GPR158: variants seen among roughly 807,000 people sequenced by gnomAD.
GPR158 encodes the protein G protein-coupled receptor 158.
In GPR158, 30 loss-of-function variants were observed where a neutral mutation model predicts 78.2. The ratio of observed to expected loss-of-function variants is 0.38; its 90% CI spans 0.29 to 0.52. The LOEUF is 0.52. Among genes scored for constraint, GPR158 ranks in the 20% least tolerant of loss-of-function variants. GPR158 has a pLI of 0.83. For missense variants in GPR158, 1,463 were observed against 1,523.5 expected (o/e 0.96, Z 0.66); for synonymous variants, 581 against 591.1 (o/e 0.98, Z 0.25).
At chr10:25,579,739 C>G in intron 7 of GPR158, among the ~76,000 whole-genome samples, 1 of 152,196 alleles carries the variant, frequency 6.6e-6, no homozygotes, top group East Asian at 1.9e-4. Context: ...AAGCGCTGAG[C>G]TGTTTCCACA....
intron 2 of GPR158, among the ~76,000 whole-genome samples, chr10:25,371,694 C>T (rs1410208968): frequency 7.5e-6 from 1 of 133,670 alleles, no homozygotes; most frequent in Non-Finnish European, 1.6e-5. Context: ...ACACCTTATA[C>T]AAAAATCAAT....
chr10:25,476,517 T>C (rs1048975877), intron 5 of GPR158, among the ~76,000 whole-genome samples: 1 of 78,618 alleles, frequency 1.3e-5, no homozygotes, highest in Non-Finnish European at 2.4e-5. Flanking sequence ...CCCGGTCTTA[T>C]AAGAAGAATT....
chr10:25,395,893 G>C lies in GPR158; in HGVS notation c.1009-18G>C. ...ATAAGCCATGATCAACTATGTTGCT[G>C]TCTTTTCTTCTTCATAGTGTATGCC... On this transcript the variant is annotated intron_variant, in intron 2 of 10. Transcript: ENST00000376351. 3 of 1,280,786 alleles carry C rather than the reference G, an allele frequency of 2.3e-6. No individual in the cohort carries two copies. Among genetic ancestry groups the C allele is most frequent in the Non-Finnish European group, 3.4e-6 (3 of 878,036 alleles). 79.3% of individuals were successfully genotyped at this position (1,280,786 alleles called of 1,614,324 possible).
At chr10:25,483,723 TTTC>T (rs1383528795) in intron 5 of GPR158, among the ~76,000 whole-genome samples, 4 of 152,178 alleles carry the variant, frequency 2.6e-5, no homozygotes, top group African/African-American at 7.2e-5. Context: ...TTTTCAGAAA[TTTC>T]TTCATAGATT....
chr10:25,189,166 A>T (rs1852733375), intron 1 of GPR158, among the ~76,000 whole-genome samples: 1 of 152,198 alleles, frequency 6.6e-6, no homozygotes, highest in African/African-American at 2.4e-5. Context: ...AGAAATAGGA[A>T]CACTTTTACA....
intron 1 of GPR158, among the ~76,000 whole-genome samples, chr10:25,179,221 G>A (rs982254719): frequency 6.6e-6 from 1 of 152,152 alleles, no homozygotes. Flanking sequence ...GTATTTGACA[G>A]GTATGGTAAC....
At position 25,176,373 on chromosome 10, in the gene GPR158, C is replaced by G; in HGVS notation, c.902+51C>G. On this transcript the variant is annotated intron_variant, in intron 1 of 10. Transcript: ENST00000376351. This position sits in a 1 kb window ranked among gnomAD's most constrained non-coding sequence, Gnocchi z 6.3. ...GAAGGCAAAAGCGAAGCTTTCCTTC[C>G]GGTCTTGTGGGTGGGTGCACGTGTG... is the stretch of plus-strand genomic sequence containing the variant. The G allele has an allele frequency of 7.1e-7, 1 of 1,399,198 alleles. No homozygotes were observed. Among genetic ancestry groups the G allele is most frequent in the Non-Finnish European group, 9.7e-7 (1 of 1,034,220 alleles). 86.7% of individuals were successfully genotyped at this position (1,399,198 alleles called of 1,614,324 possible). A position where few individuals can be genotyped will look rare whatever the true frequency, so the allele number is the denominator to read the frequency against.
chr10:25,356,727 A>C (rs1158908877), intron 2 of GPR158, among the ~76,000 whole-genome samples: 1 of 152,056 alleles, frequency 6.6e-6, no homozygotes, highest in African/African-American at 2.4e-5. Context: ...AGTCCAATAA[A>C]CCTCTTTCTT....
intron 6 of GPR158, among the ~76,000 whole-genome samples, chr10:25,555,132 G>GTATA (rs1406735619): frequency 2.6e-5 from 4 of 152,166 alleles, no homozygotes; most frequent in Non-Finnish European, 5.9e-5. Flanking sequence ...TAGCCTTGTA[G>GTATA]TATAGTTTGA....
intron 2 of GPR158, among the ~76,000 whole-genome samples, chr10:25,238,578 C>T (rs1853560931): frequency 6.6e-6 from 1 of 152,198 alleles, no homozygotes; most frequent in Non-Finnish European, 1.5e-5. Flanking sequence ...AACTCTGTGA[C>T]TCCACAGAGA....
intron 2 of GPR158, among the ~76,000 whole-genome samples, chr10:25,360,600 AT>A (rs1268981331): frequency 6.6e-6 from 1 of 152,028 alleles, no homozygotes; most frequent in Non-Finnish European, 1.5e-5. Context: ...GTTCTGTTCC[AT>A]TGGTCTATAT....
chr10:25,483,435 G>A (rs1164833198), intron 5 of GPR158, among the ~76,000 whole-genome samples: 5 of 151,948 alleles, frequency 3.3e-5, no homozygotes, highest in South Asian at 4.2e-4. Flanking sequence ...CCGACTACCC[G>A]ACTTTAAATT....
At chr10:25,210,802 T>A (rs902547127) in intron 1 of GPR158, among the ~76,000 whole-genome samples, 1 of 152,202 alleles carries the variant, frequency 6.6e-6, no homozygotes, top group Non-Finnish European at 1.5e-5. Flanking sequence ...CAATATGTCA[T>A]CTTTCAGTTA....
chr10:25,599,425 A>C lies in GPR158; in HGVS notation c.*151A>C, dbSNP rs999392697. The C allele has an allele frequency of 1.6e-6, 1 of 631,168 alleles. No homozygotes were observed. Among genetic ancestry groups the C allele is most frequent in the Non-Finnish European group, 2.7e-6 (1 of 368,164 alleles). 39.1% of individuals were successfully genotyped at this position (631,168 alleles called of 1,614,324 possible). A position where few individuals can be genotyped will look rare whatever the true frequency, so the allele number is the denominator to read the frequency against. On this transcript the variant is annotated 3_prime_UTR_variant, in exon 11 of 11. Transcript: ENST00000376351. ...TCAAAGGCATGGGTAGAAGAGGACCAGGGGGGCAAGAGCAACAACGTCATA... is the reference window on the plus strand; with the variant it reads ...TCAAAGGCATGGGTAGAAGAGGACCCGGGGGGCAAGAGCAACAACGTCATA...
At chr10:25,394,195 A>T (rs1388661985) in intron 2 of GPR158, among the ~76,000 whole-genome samples, 1 of 152,162 alleles carries the variant, frequency 6.6e-6, no homozygotes, top group East Asian at 1.9e-4. Flanking sequence ...TATTTAACCC[A>T]TTAGGCCATC....
intron 5 of GPR158, among the ~76,000 whole-genome samples, chr10:25,547,677 A>G (rs560022826): frequency 2.0e-5 from 3 of 152,286 alleles, no homozygotes; most frequent in South Asian, 4.1e-4. Flanking sequence ...AGGCAGGATG[A>G]CATCATTGTT....
intron 7 of GPR158, among the ~76,000 whole-genome samples, chr10:25,577,231 A>G (rs2130736474): frequency 6.6e-6 from 1 of 152,312 alleles, no homozygotes; most frequent in Middle Eastern, 3.4e-3. Context: ...TCAGACTGTT[A>G]ATCAAAAATA....
At chr10:25,577,009 AAAT>A (rs1425781721) in intron 7 of GPR158, among the ~76,000 whole-genome samples, 8 of 151,946 alleles carry the variant, frequency 5.3e-5, no homozygotes, top group Middle Eastern at 3.4e-3. Context: ...TAATTTTAAA[AAAT>A]AATATTTGGA....
intron 2 of GPR158, among the ~76,000 whole-genome samples, chr10:25,301,302 T>C (rs1285263847): frequency 1.3e-5 from 2 of 152,184 alleles, no homozygotes; most frequent in African/African-American, 2.4e-5. Context: ...CCTTTTAAGA[T>C]CCTAGCTTCT....
Sources: gnomAD v4.1 joint callset for allele counts (sites outside exome capture counted in the v4.1 genomes callset) on GRCh38, gnomAD v4.1.1 for gene constraint, Gnocchi (gnomAD v3.1) non-coding constraint, MANE v1.5 for transcripts, NCBI Gene and HGNC (gene_info 2026-07-23, HGNC 2026-07-21) for gene names.